The following GRID2 variants were observed in gnomAD, a reference collection of about 807,000 sequenced individuals.
The protein encoded by GRID2 is glutamate ionotropic receptor delta type subunit 2, also known as glutamate receptor ionotropic, delta-2.
A neutral mutation model predicts 114.8 loss-of-function variants in GRID2; 33 were observed. That is an observed-to-expected ratio of 0.29 (90% CI 0.22 to 0.38). The LOEUF (loss-of-function observed/expected upper bound fraction) is 0.38. Ranked by LOEUF, GRID2 falls within the 10% of genes least tolerant of loss-of-function variation. The pLI is 1.00. For synonymous variants in GRID2, 505 were observed against 449.9 expected (o/e 1.12, Z -1.55); for missense variants, 1,184 against 1,257.7 (o/e 0.94, Z 0.89).
At chr4:92,953,793 A>G (rs1478027882) in intron 2 of GRID2, among the ~76,000 whole-genome samples, 2 of 152,186 alleles carry the variant, frequency 1.3e-5, no homozygotes, top group East Asian at 1.9e-4. Context: ...ACTAAAAAGT[A>G]TCACAGAAAT....
intron 1 of GRID2, among the ~76,000 whole-genome samples, chr4:92,465,901 T>A (rs1721728211): frequency 6.6e-6 from 1 of 151,992 alleles, no homozygotes; most frequent in African/African-American, 2.4e-5. Flanking sequence ...TATTTACAAC[T>A]ACTGGGGAGT....
At chr4:93,628,666 C>T (rs1171578208) in intron 14 of GRID2, among the ~76,000 whole-genome samples, 1 of 151,850 alleles carries the variant, frequency 6.6e-6, no homozygotes, top group African/African-American at 2.4e-5. Context: ...CTTAACATTA[C>T]AGAGCTAGTT....
At chr4:93,682,904 A>C (rs1205782095) in intron 14 of GRID2, among the ~76,000 whole-genome samples, 1 of 151,804 alleles carries the variant, frequency 6.6e-6, no homozygotes, top group Non-Finnish European at 1.5e-5. Flanking sequence ...CACATTGTGC[A>C]CATGTACCCT....
intron 8 of GRID2, among the ~76,000 whole-genome samples, chr4:93,289,363 C>A (rs1753501149): frequency 6.6e-6 from 1 of 152,042 alleles, no homozygotes; most frequent in Admixed American, 6.5e-5. Flanking sequence ...CAAAAGCAAA[C>A]AAATAGCTAC....
At chr4:93,206,375 T>A (rs985014465) in intron 4 of GRID2, among the ~76,000 whole-genome samples, 1 of 152,044 alleles carries the variant, frequency 6.6e-6, no homozygotes, top group African/African-American at 2.4e-5. Context: ...CAAAATGCAA[T>A]TCACCTTCTA....
intron 14 of GRID2, among the ~76,000 whole-genome samples, chr4:93,631,785 C>T (rs562665323): frequency 5.9e-5 from 9 of 152,308 alleles, no homozygotes; most frequent in Admixed American, 2.0e-4. Flanking sequence ...CCTGAGGAAT[C>T]GCCACACTGT....
At chr4:93,160,185 G>A (rs1185771320) in intron 4 of GRID2, among the ~76,000 whole-genome samples, 1 of 151,676 alleles carries the variant, frequency 6.6e-6, no homozygotes, top group Admixed American at 6.6e-5. Context: ...CAGGCCATGA[G>A]CATTCCTTTT....
chr4:93,284,420 C>T (rs192188217), intron 8 of GRID2, among the ~76,000 whole-genome samples: 1 of 152,026 alleles, frequency 6.6e-6, no homozygotes, highest in African/African-American at 2.4e-5. Flanking sequence ...GGCTTAATAC[C>T]TCGGTGATGA....
intron 8 of GRID2, among the ~76,000 whole-genome samples, chr4:93,250,112 T>C (rs1748685404): frequency 6.6e-6 from 1 of 152,108 alleles, no homozygotes; most frequent in Non-Finnish European, 1.5e-5. Flanking sequence ...CCATCAATGA[T>C]AGACTGGATA....
At chr4:92,522,925 G>A (rs1454798726) in intron 1 of GRID2, among the ~76,000 whole-genome samples, 2 of 151,974 alleles carry the variant, frequency 1.3e-5, no homozygotes, top group East Asian at 3.9e-4. Flanking sequence ...GCAGTGGAAA[G>A]CCTCTGCAAG....
intron 2 of GRID2, among the ~76,000 whole-genome samples, chr4:92,939,919 G>A (rs545476570): frequency 1.4e-5 from 2 of 146,650 alleles, no homozygotes; most frequent in African/African-American, 4.9e-5. Flanking sequence ...TGTTCCATTG[G>A]TGTATATCTC....
intron 4 of GRID2, among the ~76,000 whole-genome samples, chr4:93,147,123 T>A (rs575324618): frequency 1.3e-5 from 2 of 152,278 alleles, no homozygotes; most frequent in South Asian, 4.1e-4. Flanking sequence ...TCAAGTGGAA[T>A]TTTTTCAGTA....
chr4:92,517,155 T>C (rs1724540091), intron 1 of GRID2, among the ~76,000 whole-genome samples: 1 of 142,782 alleles, frequency 7.0e-6, no homozygotes, highest in Non-Finnish European at 1.6e-5. Context: ...TTTTCAATCA[T>C]AAAGTCAGAA....
intron 2 of GRID2, among the ~76,000 whole-genome samples, chr4:92,752,956 T>A (rs549313104): frequency 2.0e-4 from 30 of 152,280 alleles, no homozygotes; most frequent in African/African-American, 6.5e-4. Flanking sequence ...CAAATACATT[T>A]TAAAATTGTA....
At chr4:92,564,867 G>A (rs1406729641) in intron 1 of GRID2, among the ~76,000 whole-genome samples, 1 of 151,730 alleles carries the variant, frequency 6.6e-6, no homozygotes, top group Admixed American at 6.6e-5. Flanking sequence ...TTTCTTTCCA[G>A]TCCTAAAATA....
intron 2 of GRID2, among the ~76,000 whole-genome samples, chr4:93,011,638 C>T (rs1482816242): frequency 6.6e-6 from 1 of 152,102 alleles, no homozygotes; most frequent in Non-Finnish European, 1.5e-5. Flanking sequence ...ATATTTCTTA[C>T]CATGTCACAT....
intron 8 of GRID2, among the ~76,000 whole-genome samples, chr4:93,248,086 T>TACAC (rs10548106): frequency 4.6e-5 from 7 of 150,932 alleles, no homozygotes; most frequent in African/African-American, 1.7e-4. Context: ...ATCTAACAGA[T>TACAC]ACACACACAC....
intron 1 of GRID2, among the ~76,000 whole-genome samples, chr4:92,560,817 C>T (rs1727069994): frequency 6.6e-6 from 1 of 152,092 alleles, no homozygotes; most frequent in Non-Finnish European, 1.5e-5. Context: ...AGTGATTCTG[C>T]TGCCCCAGTC....
At chr4:93,018,503 A>G (rs908830763) in intron 2 of GRID2, among the ~76,000 whole-genome samples, 3 of 152,074 alleles carry the variant, frequency 2.0e-5, no homozygotes, top group Non-Finnish European at 4.4e-5. Context: ...ACTGGTTTTC[A>G]CTAACGAAAA....
Sources: gnomAD v4.1 joint callset for allele counts (sites outside exome capture counted in the v4.1 genomes callset) on GRCh38, gnomAD v4.1.1 for gene constraint, MANE v1.5 for transcripts, NCBI Gene and HGNC (gene_info 2026-07-23, HGNC 2026-07-21) for gene names.